Variants in ARHGEF5 observed in about 807,000 individuals in gnomAD.
The protein encoded by ARHGEF5 is Rho guanine nucleotide exchange factor (GEF) 5.
ARHGEF5 carries 11 observed loss-of-function variants against 104.0 expected under a neutral mutation model. That is an observed-to-expected ratio of 0.11 (90% CI 0.07 to 0.18). The LOEUF (loss-of-function observed/expected upper bound fraction) is 0.18, where lower values mean the gene tolerates loss of function less well. Ranked by LOEUF, ARHGEF5 falls within the 10% of genes least tolerant of loss-of-function variation. The pLI is 1.00. For missense variants in ARHGEF5, 165 were observed against 1,335.4 expected (o/e 0.12, Z 13.66); for synonymous variants, 60 against 512.2 (o/e 0.12, Z 11.92).
intron 14 of ARHGEF5, among the ~76,000 whole-genome samples, chr7:144,379,264 G>T (rs1327842987): frequency 6.6e-6 from 1 of 152,050 alleles, no homozygotes; most frequent in East Asian, 1.9e-4. Context: ...CTGTTGCCCA[G>T]GCTGGAGTGC....
rs754256287 is a variant in ARHGEF5 at position 144,363,312 on chromosome 7, C to G, written c.643C>G (p.Leu215Val). The change falls in exon 2 of 15, where the codon CTG becomes GTG. Residue 215 changes from leucine to valine, a missense_variant. Leu to Val is a conservative substitution (Grantham distance 32). Coordinates refer to ENST00000056217, the MANE Select transcript of ARHGEF5 (RefSeq NM_005435.4). Reference protein sequence around the residue: ...RQGEELPPEELQESQGLLHPQ... With the variant: ...RQGEELPPEEVQESQGLLHPQ... ...GGGGGAAGAGCTGCCACCTGAGGAG[C>G]TGCAGGAAAGTCAAGGGCTCTTGCA... 1.3e-6 allele frequency: 2 copies of G among 1,592,566 alleles called. No individual in the cohort carries two copies. Among genetic ancestry groups the G allele is most frequent in the South Asian group, 1.1e-5 (1 of 90,636 alleles).
At chr7:144,379,572 T>C (rs1266502480) in intron 14 of ARHGEF5, among the ~76,000 whole-genome samples, 2 of 152,224 alleles carry the variant, frequency 1.3e-5, no homozygotes, top group Non-Finnish European at 2.9e-5. Flanking sequence ...TACTCCAGTA[T>C]GACATCATCT....
At chr7:144,378,708 G>T (rs2053778980) in intron 13 of ARHGEF5, 54 bp from the exon 14 acceptor site, 15 of 1,501,866 alleles carry the variant, frequency 1.0e-5, no homozygotes, top group Non-Finnish European at 1.4e-5. Flanking sequence ...GTCCCTGTCT[G>T]TGTTCCAATC....
At position 144,361,157 on chromosome 7, in the gene ARHGEF5, A is replaced by G. The variant is rs1635069; in HGVS notation, c.-12-1501A>G. Among the ~76,000 whole-genome samples, 63 of 138,688 alleles carry G rather than the reference A, an allele frequency of 4.5e-4. 2 individuals carry two copies. The highest frequency in any genetic ancestry group is 7.2e-4 in the Non-Finnish European group (45 of 62,452). The allele number at this position is 138,688 out of a possible 152,430, so 91.0% of individuals were successfully genotyped here. A position where few individuals can be genotyped will look rare whatever the true frequency, so the allele number is the denominator to read the frequency against. ...GCAGGAGAATGGCTTGAACCCGGAG[A>G]TGGAGGTTGCAATGACCCAAGATTG... On this transcript the variant is annotated intron_variant, in intron 1 of 14. Coordinates refer to ENST00000056217, the MANE Select transcript of ARHGEF5 (RefSeq NM_005435.4).
At chr7:144,378,972 T>A (rs2053781421) in intron 14 of ARHGEF5, 106 bp downstream of exon 14, 5 of 1,112,768 alleles carry the variant, frequency 4.5e-6, no homozygotes, top group Non-Finnish European at 6.6e-6. Context: ...ATGGACTGGG[T>A]GGCTTATGGC....
At chr7:144,361,311 A>T (rs1441684303) in intron 1 of ARHGEF5, among the ~76,000 whole-genome samples, 1 of 125,586 alleles carries the variant, frequency 8.0e-6, no homozygotes, top group African/African-American at 2.9e-5. Flanking sequence ...TACCACAAGT[A>T]ACAAGAGAGT....
chr7:144,358,758 AGTGTGTGTGTGTGTGT>A lies in ARHGEF5; in HGVS notation c.-13+3286_-13+3301del, dbSNP rs71222348. On this transcript the variant is annotated intron_variant, in intron 1 of 14. Coordinates refer to ENST00000056217, the MANE Select transcript of ARHGEF5 (RefSeq NM_005435.4). ...TTGCAAGAGTTTGTAAGGATGGCTC[AGTGTGTGTGTGTGTGT>A]GTGTGTGTGTGTGTGTGTGTGTGTG... 7.7e-5 allele frequency among the ~76,000 whole-genome samples: 7 copies of A among 90,822 alleles called. 1 individual carries two copies. The South Asian group carries it at 1.8e-3, about 23-fold the overall frequency. 59.6% of individuals were successfully genotyped at this position (90,822 alleles called of 152,430 possible).
chr7:144,378,066 A>T (rs2053774145), intron 13 of ARHGEF5, among the ~76,000 whole-genome samples: 1 of 152,234 alleles, frequency 6.6e-6, no homozygotes, highest in South Asian at 2.1e-4. Flanking sequence ...ATATGATGGA[A>T]TACTGATAGG....
At chr7:144,378,341 CA>C (rs972939382) in intron 13 of ARHGEF5, among the ~76,000 whole-genome samples, 2 of 152,202 alleles carry the variant, frequency 1.3e-5, no homozygotes, top group African/African-American at 4.8e-5. Flanking sequence ...AAGAATAAGA[CA>C]CAGACTCAGA....
In ARHGEF5 at chr7:144,377,822, G is replaced by T. The variant is rs1476199323; in HGVS notation, c.4531+632G>T. Among the ~76,000 whole-genome samples, 3 of 152,196 alleles carry T rather than the reference G, an allele frequency of 2.0e-5. No individual in the cohort carries two copies. In the East Asian group the frequency reaches 5.8e-4, roughly 29 times the overall value. On this transcript the variant is annotated intron_variant, in intron 13 of 14. Transcript: ENST00000056217. ...AACAACTACAAGGAACCCTGGGAAT[G>T]AAGTAGGAGAGCCGTGTAGTAACTG...
At chr7:144,379,855 G>A (rs1240909913) in intron 14 of ARHGEF5, 44 bp from the exon 15 acceptor site, 1 of 1,611,948 alleles carries the variant, frequency 6.2e-7, no homozygotes, top group Admixed American at 1.7e-5. Flanking sequence ...AAGCTATCGT[G>A]AGCCTTTCCC....
intron 14 of ARHGEF5, 65 bp from the exon 15 acceptor site, chr7:144,379,834 G>A (rs2053787874): frequency 1.9e-6 from 3 of 1,594,912 alleles, no homozygotes; most frequent in Non-Finnish European, 2.6e-6. Context: ...CTCCAGGAAG[G>A]TGATCCAGAG....
chr7:144,380,299 GA>G lies in ARHGEF5; in HGVS notation c.*244del. The stretch of plus-strand genomic sequence containing the variant: ...AACCTTTCATCATTAAAAAAAGGGG[GA>G]CCATTGGGGCCTGAGCCAAGGAACT... On this transcript the variant is annotated 3_prime_UTR_variant, in exon 15 of 15. Coordinates refer to ENST00000056217, the MANE Select transcript of ARHGEF5 (RefSeq NM_005435.4). 1 of 446,092 alleles carries G rather than the reference GA, an allele frequency of 2.2e-6. No homozygotes were observed. Among genetic ancestry groups the G allele is most frequent in the Admixed American group, 3.4e-5 (1 of 29,430 alleles). The allele number at this position is 446,092 out of a possible 1,614,324, so 27.6% of individuals were successfully genotyped here.
At chr7:144,358,061 C>T (rs1587058835) in intron 1 of ARHGEF5, among the ~76,000 whole-genome samples, 2 of 64,824 alleles carry the variant, frequency 3.1e-5, no homozygotes, top group East Asian at 6.5e-4. Flanking sequence ...TTTGTCATGC[C>T]TGATTGCAAC....
intron 13 of ARHGEF5, among the ~76,000 whole-genome samples, chr7:144,377,892 G>C (rs180932447): frequency 6.6e-6 from 1 of 152,200 alleles, no homozygotes; most frequent in East Asian, 1.9e-4. Context: ...GCTGGCTTCA[G>C]TTCCCCAGTG....
At chr7:144,360,987 C>T (rs1329274763) in intron 1 of ARHGEF5, among the ~76,000 whole-genome samples, 2 of 145,634 alleles carry the variant, frequency 1.4e-5, no homozygotes, top group Middle Eastern at 3.3e-3. Context: ...CACAACACTT[C>T]GGGAGGCCGA....
At chr7:144,370,905 GTTC>G (rs1031456282) in intron 5 of ARHGEF5, among the ~76,000 whole-genome samples, 1 of 146,454 alleles carries the variant, frequency 6.8e-6, no homozygotes, top group African/African-American at 2.5e-5. Flanking sequence ...CTCATTTTTT[GTTC>G]TTGTTTTTGT....
At chr7:144,379,824 C>A in intron 14 of ARHGEF5, 75 bp from the exon 15 acceptor site, 1 of 1,579,480 alleles carries the variant, frequency 6.3e-7, no homozygotes. Context: ...TCAGAAAACT[C>A]TCCAGGAAGG....
Position 144,364,054 on chromosome 7 carries a change from C to T in ARHGEF5, c.1385C>T (p.Pro462Leu), listed in dbSNP as rs774958898. The change falls in exon 2 of 15, where the codon CCC becomes CTC. Residue 462 changes from proline to leucine, a missense_variant. Pro to Leu is a moderately conservative substitution (Grantham distance 98). Transcript: ENST00000056217. ...GAGCCCATCAGGTGCTCTCACCAGCCCATTTCTCTACTGGGCTCCTTTTTG... is the reference window on the plus strand; with the variant it reads ...GAGCCCATCAGGTGCTCTCACCAGCTCATTTCTCTACTGGGCTCCTTTTTG... ...SLEPIRCSHQ[P>L]ISLLGSFLTE... is the part of the protein sequence containing the mutation. 7 of 1,309,906 alleles carry T rather than the reference C, an allele frequency of 5.3e-6. No individual in the cohort carries two copies. The South Asian group carries it at 8.8e-5, about 16-fold the overall frequency. The allele number at this position is 1,309,906 out of a possible 1,614,324, so 81.1% of individuals were successfully genotyped here. A position where few individuals can be genotyped will look rare whatever the true frequency, so the allele number is the denominator to read the frequency against.
Sources: allele counts gnomAD v4.1 joint callset (sites outside exome capture counted in the v4.1 genomes callset), GRCh38; gene constraint gnomAD v4.1.1; transcripts MANE v1.5; gene names NCBI Gene and HGNC (gene_info 2026-07-23, HGNC 2026-07-21).